The following AAK1 variants were observed in gnomAD, a reference collection of about 807,000 sequenced individuals.
AAK1 encodes AP2 associated kinase 1, also known as AP2-associated protein kinase 1.
In AAK1, 37 loss-of-function variants were observed where a neutral mutation model predicts 116.0. That is an observed-to-expected ratio of 0.32 (90% confidence interval 0.25 to 0.42). The LOEUF is 0.42. AAK1 is among the 10% of genes least tolerant of loss of function. AAK1 has a pLI of 1.00. For missense variants in AAK1, 919 were observed against 1,170.6 expected, an observed-to-expected ratio of 0.79 and a Z score of 3.14; for synonymous variants, 458 against 439.9, an observed-to-expected ratio of 1.04 and a Z score of -0.51.
intron 2 of AAK1, among the ~76,000 whole-genome samples, chr2:69,570,691 G>A (rs1202217994): frequency 1.3e-5 from 2 of 152,270 alleles, no homozygotes; most frequent in Middle Eastern, 3.4e-3. Context: ...TGCTTAGCAC[G>A]TGGTAGATGA....
chr2:69,475,798 T>A lies in AAK1; in HGVS notation c.*71A>T. On this transcript the variant is annotated 3_prime_UTR_variant, in exon 22 of 22. Transcript: ENST00000409085. The stretch of plus-strand genomic sequence containing the variant: ...GATTTTTTTAAAAAAATCATTTTTT[T>A]CATAACTCCGTAATGAAAATGTATT... 6.6e-7 allele frequency: 1 copy of A among 1,511,338 alleles called. No homozygotes were observed. The highest frequency in any genetic ancestry group is 2.5e-5 in the East Asian group (1 of 40,660). The allele number at this position is 1,511,338 out of a possible 1,614,324, so 93.6% of individuals were successfully genotyped here.
At chr2:69,510,620 G>A (rs1434355004) in intron 13 of AAK1, among the ~76,000 whole-genome samples, 2 of 152,158 alleles carry the variant, frequency 1.3e-5, no homozygotes, top group Admixed American at 1.3e-4. Flanking sequence ...GTGAAGAATC[G>A]CCACACTGCT....
At chr2:69,486,403 A>G (rs912437455) in intron 17 of AAK1, among the ~76,000 whole-genome samples, 3 of 152,218 alleles carry the variant, frequency 2.0e-5, no homozygotes, top group Admixed American at 1.3e-4. Context: ...ACCAAACCTC[A>G]AAGTAACAAG....
chr2:69,479,058 G>A lies in AAK1; in HGVS notation c.2573C>T (p.Ser858Phe), dbSNP rs1469540572. ...TESVTSNRTD[S>F]LTGEDSLLDC... Reference sequence around the variant, plus strand: ...AAGCAGGGAATCTTCCCCGGTGAGAGAATCTGAGTCCAGATTAACAGCATC... The same window carrying A: ...AAGCAGGGAATCTTCCCCGGTGAGAAAATCTGAGTCCAGATTAACAGCATC... The change falls in exon 20 of 22, where the codon TCT becomes TTT. Residue 858 changes from serine (S) to phenylalanine (F), a missense_variant. Physicochemically the swap from Ser to Phe is radical, Grantham distance 155. This residue lies in a region of AAK1 where 263 missense variants were observed against 285.5 expected (regional missense o/e 0.92). Transcript: ENST00000409085. The A allele has an allele frequency of 6.2e-7, 1 of 1,607,262 alleles. No individual in the cohort carries two copies. The highest frequency in any genetic ancestry group is 2.2e-5 in the East Asian group (1 of 44,844).
chr2:69,591,364 G>A (rs1162720055), intron 2 of AAK1, among the ~76,000 whole-genome samples: 1 of 152,060 alleles, frequency 6.6e-6, no homozygotes, highest in Non-Finnish European at 1.5e-5. Context: ...TGCCACCAAG[G>A]TATGGAAGTA....
In AAK1 at chr2:69,527,295, T is replaced by C; in HGVS notation, c.896A>G (p.Asp299Gly). Residue 299 changes from aspartate (D) to glycine (G), a missense_variant, in exon 9 of 22, where the codon GAC becomes GGC. Asp to Gly is a moderately conservative substitution (Grantham distance 94, BLOSUM62 -1). This residue lies in a region of AAK1 where 317 missense variants were observed against 490.4 expected (regional missense o/e 0.65). Transcript: ENST00000409085. ...CACCTGGTAAATATCCGGCCTTTTG[T>C]CAGGGTCTGGTTCCAACATATACCC... ...LIRYMLEPDP[D>G]KRPDIYQVSY... 1 of 1,607,586 alleles carries C rather than the reference T, an allele frequency of 6.2e-7. No homozygotes were observed. Among genetic ancestry groups the C allele is most frequent in the Non-Finnish European group, 8.5e-7 (1 of 1,176,482 alleles).
intron 2 of AAK1, among the ~76,000 whole-genome samples, chr2:69,564,353 T>C (rs1016717671): frequency 6.6e-6 from 1 of 152,116 alleles, no homozygotes; most frequent in Admixed American, 6.5e-5. Context: ...GGGCTCTGTA[T>C]ACTGCTTCCT....
chr2:69,601,001 T>C (rs1239604774), intron 2 of AAK1, among the ~76,000 whole-genome samples: 3 of 152,236 alleles, frequency 2.0e-5, no homozygotes, highest in Non-Finnish European at 4.4e-5. Context: ...TATTTAGCAA[T>C]AAAATATGTT....
intron 18 of AAK1, 77 bp from the exon 19 acceptor site, chr2:69,481,038 G>T: frequency 8.2e-7 from 1 of 1,222,320 alleles, no homozygotes; most frequent in Non-Finnish European, 1.1e-6. Flanking sequence ...ATTCTGTGAA[G>T]CTTTCTTCTT....
Position 69,471,580 on chromosome 2 carries a change from T to G in AAK1, c.*4289A>C. The stretch of plus-strand genomic sequence containing the variant: ...CTTAACCCGGCACACTGGGCAATCC[T>G]GTCATTTTCATCCCAAAGCTCAAAG... On this transcript the variant is annotated 3_prime_UTR_variant, in exon 22 of 22. Transcript: ENST00000409085. 4.1e-6 allele frequency: 4 copies of G among 985,410 alleles called. No individual in the cohort carries two copies. Among genetic ancestry groups the G allele is most frequent in the Non-Finnish European group, 4.8e-6 (4 of 829,884 alleles). The allele number at this position is 985,410 out of a possible 1,614,324, so 61.0% of individuals were successfully genotyped here.
At chr2:69,607,046 C>CAAAA (rs61156108) in intron 2 of AAK1, among the ~76,000 whole-genome samples, 4 of 68,854 alleles carry the variant, frequency 5.8e-5, no homozygotes, top group African/African-American at 4.0e-5. Context: ...AGTCTTGCCT[C>CAAAA]AAAAAAAAAA....
At position 69,467,324 on chromosome 2, in the gene AAK1, A is replaced by G. The variant is rs1337137900; in HGVS notation, c.*8545T>C. On this transcript the variant is annotated 3_prime_UTR_variant, in exon 22 of 22. Coordinates refer to ENST00000409085, the MANE Select transcript of AAK1 (RefSeq NM_014911.5). ...TACAGAAGCATTAGCAAACTCCAAT[A>G]TACTAGTCTATTTCTATCTAGGTAG... 5 of 985,340 alleles carry G rather than the reference A, an allele frequency of 5.1e-6. No individual in the cohort carries two copies. Among genetic ancestry groups the G allele is most frequent in the African/African-American group, 1.7e-5 (1 of 57,248 alleles). The allele number at this position is 985,340 out of a possible 1,614,324, so 61.0% of individuals were successfully genotyped here.
chr2:69,475,055 C>T lies in AAK1; in HGVS notation c.*814G>A. On this transcript the variant is annotated 3_prime_UTR_variant, in exon 22 of 22. Coordinates refer to ENST00000409085, the MANE Select transcript of AAK1 (RefSeq NM_014911.5). ...TTGTTTTGGTCTAATTCTGAGATCC[C>T]ACTTGGAACAGTTAACATGAAAAGG... is the stretch of plus-strand genomic sequence containing the variant. 1 of 976,038 alleles carries T rather than the reference C, an allele frequency of 1.0e-6. No individual in the cohort carries two copies. The allele number at this position is 976,038 out of a possible 1,614,324, so 60.5% of individuals were successfully genotyped here.
chr2:69,531,616 G>C (rs1670260124), intron 6 of AAK1: 6 of 988,846 alleles, frequency 6.1e-6, no homozygotes, highest in African/African-American at 1.7e-5. Flanking sequence ...TTTCCACTTA[G>C]ATCGCCTTAT....
At chr2:69,596,698 G>A (rs1673306275) in intron 2 of AAK1, among the ~76,000 whole-genome samples, 1 of 152,194 alleles carries the variant, frequency 6.6e-6, no homozygotes, top group African/African-American at 2.4e-5. Flanking sequence ...GGCAGGAGCT[G>A]AGCCACCAAA....
intron 18 of AAK1, chr2:69,481,809 T>A (rs1675100284): frequency 6.6e-6 from 1 of 152,212 alleles, no homozygotes; most frequent in African/African-American, 2.4e-5. Flanking sequence ...TGGACCTTTT[T>A]AAATTTTTTA....
chr2:69,618,997 C>A (rs1022502625), intron 2 of AAK1, among the ~76,000 whole-genome samples: 13 of 151,854 alleles, frequency 8.6e-5, no homozygotes, highest in Non-Finnish European at 1.8e-4. Context: ...AGGCTTGTCT[C>A]CCCATTCTGG....
intron 5 of AAK1, among the ~76,000 whole-genome samples, chr2:69,538,389 C>T (rs1670566930): frequency 6.6e-6 from 1 of 152,258 alleles, no homozygotes; most frequent in East Asian, 1.9e-4. Flanking sequence ...CACCGACCTA[C>T]TCAGCATCCC....
At chr2:69,599,009 A>G in intron 2 of AAK1, 1 of 324,510 alleles carries the variant, frequency 3.1e-6, no homozygotes, top group South Asian at 2.9e-5. Context: ...GGAAAGTGTT[A>G]AAGTTGTAGA....
Sources: gnomAD v4.1 joint callset for allele counts (sites outside exome capture counted in the v4.1 genomes callset) on GRCh38, gnomAD v4.1.1 for gene constraint, gnomAD v4.1.1 regional missense constraint, MANE v1.5 for transcripts, NCBI Gene and HGNC (gene_info 2026-07-23, HGNC 2026-07-21) for gene names.